SRCAP: variants seen among roughly 807,000 people sequenced by gnomAD.
The protein encoded by SRCAP is chromatin remodeling protein SRCAP.
A neutral mutation model predicts 263.1 loss-of-function variants in SRCAP; 46 were observed. The observed-to-expected ratio is 0.17, with a 90% CI of 0.14 to 0.22. SRCAP has a LOEUF of 0.22. Among genes scored for constraint, SRCAP ranks in the 10% least tolerant of loss-of-function variants. The pLI, the probability that SRCAP is intolerant of heterozygous loss-of-function variation, is 1.00. For synonymous variants in SRCAP, 1,813 were observed against 1,662.1 expected (o/e 1.09, Z -2.21); for missense variants, 3,695 against 4,181.9 (o/e 0.88, Z 3.21).
rs2053033238 is a variant in SRCAP at position 30,723,662 on chromosome 16, C to T, written c.4238C>T (p.Ser1413Phe). ...TCCTCCCTCCCTGGGCCAGCCTCTT[C>T]TCCAATGCCAATTCCCAACTCCTCT... ...VPSSLPGPAS[S>F]PMPIPNSSPL... is the part of the protein sequence containing the mutation. Residue 1413 changes from serine to phenylalanine, a missense_variant, in exon 25 of 34, where the codon TCT (serine) becomes TTT (phenylalanine). Ser to Phe is a radical substitution (Grantham distance 155, BLOSUM62 -2). Coordinates refer to ENST00000262518, the MANE Select transcript of SRCAP (RefSeq NM_006662.3). 3.7e-6 allele frequency: 6 copies of T among 1,613,874 alleles called. No individual in the cohort carries two copies. The highest frequency in any genetic ancestry group is 5.1e-6 in the Non-Finnish European group (6 of 1,179,820).
Position 30,716,301 on chromosome 16 carries a change from A to C in SRCAP, c.2639A>C (p.Glu880Ala), listed in dbSNP as rs752074866. The C allele has an allele frequency of 1.2e-6, 2 of 1,614,018 alleles. No individual in the cohort carries two copies. The highest frequency in any genetic ancestry group is 2.7e-5 in the African/African-American group (2 of 74,900). ...TTTTCCTCTTTCCCCAGAACTAAGGAGACACTAGCCACAGGCCATTTCATG... is the reference window on the plus strand; with the variant it reads ...TTTTCCTCTTTCCCCAGAACTAAGGCGACACTAGCCACAGGCCATTTCATG... The part of the protein sequence containing the change: ...DDFMAQTTTK[E>A]TLATGHFMSV... The change falls in exon 18 of 34, where the codon GAG becomes GCG. Residue 880 changes from glutamate to alanine, a missense_variant. Glu to Ala is a moderately radical substitution (Grantham distance 107). Coordinates refer to ENST00000262518, the MANE Select transcript of SRCAP (RefSeq NM_006662.3).
rs1398741863 is a variant in SRCAP, at chr16:30,736,359, C to A, written c.6889C>A (p.Arg2297=). ...RPGAEDEEMS[R]AEQEIAALVE... is the part of the protein sequence containing the mutation. ...TGGGGCTGAGGATGAGGAGATGTCC[C>A]GGGCTGAGCAGGAAATTGCTGCCCT... The change falls in exon 32 of 34, where the codon CGG becomes AGG. Residue 2297 remains arginine (R), a synonymous_variant. Transcript: ENST00000262518. The A allele has an allele frequency of 6.2e-7, 1 of 1,613,546 alleles. No individual in the cohort carries two copies. Among genetic ancestry groups the A allele is most frequent in the Non-Finnish European group, 8.5e-7 (1 of 1,179,696 alleles).
intron 22 of SRCAP, 82 bp from the exon 23 acceptor site, chr16:30,722,481 T>G: frequency 6.4e-7 from 1 of 1,553,264 alleles, no homozygotes; most frequent in Non-Finnish European, 8.8e-7. Flanking sequence ...CTCTCTGTTC[T>G]TTTCTTCTCT....
In SRCAP at chr16:30,724,775, C is replaced by T; in HGVS notation, c.5351C>T (p.Ser1784Leu). 1 of 1,613,726 alleles carries T rather than the reference C, an allele frequency of 6.2e-7. No individual in the cohort carries two copies. Among genetic ancestry groups the T allele is most frequent in the East Asian group, 2.2e-5 (1 of 44,870 alleles). ...SSSASLLAPA[S>L]VQTLTLSPAP... The stretch of plus-strand genomic sequence containing the variant: ...TCTGCTTCACTCCTGGCCCCAGCTT[C>T]AGTGCAGACACTGACCTTGAGCCCT... The change falls in exon 25 of 34, where the codon TCA (serine) becomes TTA (leucine). Residue 1784 changes from serine (S) to leucine (L), a missense_variant. Transcript: ENST00000262518.
chr16:30,715,754 A>G (rs1240103672), intron 16 of SRCAP, among the ~76,000 whole-genome samples: 1 of 151,976 alleles, frequency 6.6e-6, no homozygotes, highest in Non-Finnish European at 1.5e-5. Flanking sequence ...TATTCTCCTC[A>G]TCTTCTAGAT....
chr16:30,702,467 C>G (rs941208870), intron 3 of SRCAP, among the ~76,000 whole-genome samples: 12 of 151,148 alleles, frequency 7.9e-5, no homozygotes, highest in Admixed American at 7.2e-4. Flanking sequence ...CTCCTGACCT[C>G]TGGTAATCCA....
rs749331646 is a variant in SRCAP, at chr16:30,722,703, A to G, written c.3847A>G (p.Thr1283Ala). 3 of 1,610,886 alleles carry G rather than the reference A, an allele frequency of 1.9e-6. No individual in the cohort carries two copies. The Admixed American group carries it at 5.0e-5, about 27-fold the overall frequency. ...SVLPSSTPST[T>A]PAPTGLSLPL... ...GCTGCCTTCTTCGACCCCCAGCACC[A>G]CCCCTGCCCCTACTGGCCTCAGCCT... is the stretch of plus-strand genomic sequence containing the variant. The change falls in exon 23 of 34, where the codon ACC becomes GCC. Residue 1283 changes from threonine to alanine, a missense_variant. Coordinates refer to ENST00000262518, the MANE Select transcript of SRCAP (RefSeq NM_006662.3).
rs1323344117 is a variant in SRCAP, at chr16:30,716,160, A to G, written c.2588A>G (p.Lys863Arg). Reference sequence around the variant, plus strand: ...CATGTTATCCGCTGCAGGCTCTCCAAGCGTCAACGCTGTCTCTATGATGAC... The same window carrying G: ...CATGTTATCCGCTGCAGGCTCTCCAGGCGTCAACGCTGTCTCTATGATGAC... ...YEHVIRCRLS[K>R]RQRCLYDDFM... Residue 863 changes from lysine to arginine, a missense_variant, in exon 17 of 34, where the codon AAG becomes AGG. By Grantham distance (26) the Lys-to-Arg change is conservative. Around this residue, in one of 12 missense-constraint regions of SRCAP, gnomAD observed 147 missense variants for 212.7 expected, o/e 0.69. Coordinates refer to ENST00000262518, the MANE Select transcript of SRCAP (RefSeq NM_006662.3). 1 of 1,614,200 alleles carries G rather than the reference A, an allele frequency of 6.2e-7. No homozygotes were observed. Among genetic ancestry groups the G allele is most frequent in the East Asian group, 2.2e-5 (1 of 44,886 alleles).
Position 30,738,043 on chromosome 16 carries a change from T to C in SRCAP, c.8003T>C (p.Leu2668Pro). Residue 2668 changes from leucine to proline, a missense_variant, in exon 34 of 34, where the codon CTG becomes CCG. Physicochemically the swap from Leu to Pro is moderately conservative, Grantham distance 98. This residue lies in a region of SRCAP where 1,207 missense variants were observed against 1,142.9 expected (regional missense o/e 1.06). Transcript: ENST00000262518. ...AASDEPLQEP[L>P]EADRTSEELT... ...TCTGATGAGCCACTTCAGGAGCCAC[T>C]GGAGGCTGACAGGACCTCGGAAGAG... is the stretch of plus-strand genomic sequence containing the variant. 3 of 1,614,134 alleles carry C rather than the reference T, an allele frequency of 1.9e-6. No homozygotes were observed. The highest frequency in any genetic ancestry group is 1.7e-6 in the Non-Finnish European group (2 of 1,180,022).
chr16:30,726,111 T>G (rs2053062082), intron 25 of SRCAP: 2 of 152,350 alleles, frequency 1.3e-5, no homozygotes, highest in Admixed American at 1.3e-4. Flanking sequence ...GTTTTGCCTA[T>G]GGAGTCATAA....
intron 13 of SRCAP, 27 bp from the exon 14 acceptor site, chr16:30,712,652 A>G: frequency 6.2e-7 from 1 of 1,613,680 alleles, no homozygotes; most frequent in Non-Finnish European, 8.5e-7. Context: ...ACATTTCCTT[A>G]CCATCTCTGA....
At chr16:30,728,653 T>C (rs985331887) in intron 25 of SRCAP, among the ~76,000 whole-genome samples, 6 of 152,010 alleles carry the variant, frequency 3.9e-5, no homozygotes, top group Non-Finnish European at 8.8e-5. Context: ...CTTGTTGGAA[T>C]TGTAGATCTT....
intron 31 of SRCAP, 68 bp downstream of exon 31, chr16:30,734,683 C>A (rs2053142957): frequency 6.2e-7 from 1 of 1,603,656 alleles, no homozygotes; most frequent in Admixed American, 1.7e-5. Context: ...TTTTGTTAGT[C>A]TGTTGAGCTT....
In SRCAP at chr16:30,736,338, G is replaced by C; in HGVS notation, c.6868G>C (p.Ala2290Pro). ...GGGAGAGGAAGCTGGCCGGCCTGGG[G>C]CTGAGGATGAGGAGATGTCCCGGGC... Reference protein sequence around the residue: ...GEGEEAGRPGAEDEEMSRAEQ... With the variant: ...GEGEEAGRPGPEDEEMSRAEQ... Residue 2290 changes from alanine (A) to proline (P), a missense_variant, in exon 32 of 34, where the codon GCT (alanine) becomes CCT (proline). This residue lies in a region of SRCAP where 91 missense variants were observed against 150.6 expected (regional missense o/e 0.60). Coordinates refer to ENST00000262518, the MANE Select transcript of SRCAP (RefSeq NM_006662.3). The C allele has an allele frequency of 6.2e-7, 1 of 1,614,144 alleles. No individual in the cohort carries two copies. The highest frequency in any genetic ancestry group is 8.5e-7 in the Non-Finnish European group (1 of 1,180,026).
chr16:30,730,554 C>T (rs916363336), intron 27 of SRCAP, among the ~76,000 whole-genome samples: 1 of 152,108 alleles, frequency 6.6e-6, no homozygotes, highest in Non-Finnish European at 1.5e-5. Context: ...GCTTCAGCCT[C>T]CTGAGTAGCT....
At position 30,713,357 on chromosome 16, in the gene SRCAP, G is replaced by A; in HGVS notation, c.2280G>A (p.Gln760=). 5.6e-6 allele frequency: 9 copies of A among 1,614,170 alleles called. 2 individuals carry two copies. The South Asian group carries it at 8.8e-5, about 16-fold the overall frequency. Residue 760 remains glutamine, a synonymous_variant, in exon 15 of 34, where the codon CAG becomes CAA. Transcript: ENST00000262518. ...AGAACTTCAAGTCACAGCGCTGGCA[G>A]TCACTCCTCAACTTCAACAGGTGGA... is the stretch of plus-strand genomic sequence containing the variant. ...NIKNFKSQRW[Q]SLLNFNSQRR... is the part of the protein sequence containing the mutation.
chr16:30,724,459 C>G lies in SRCAP; in HGVS notation c.5035C>G (p.Gln1679Glu), dbSNP rs2053042833. 1 of 1,614,242 alleles carries G rather than the reference C, an allele frequency of 6.2e-7. No homozygotes were observed. The highest frequency in any genetic ancestry group is 2.2e-5 in the East Asian group (1 of 44,892). ...PSPLPSPAST[Q>E]TLALAPALAP... ...ACCTCTCCCGAGCCCGGCTTCTACGCAGACACTGGCCCTAGCCCCAGCTTT... is the reference window on the plus strand; with the variant it reads ...ACCTCTCCCGAGCCCGGCTTCTACGGAGACACTGGCCCTAGCCCCAGCTTT... The change falls in exon 25 of 34, where the codon CAG becomes GAG. Residue 1679 changes from glutamine (Q) to glutamate (E), a missense_variant. By Grantham distance (29) the Gln-to-Glu change is conservative. Transcript: ENST00000262518.
Position 30,722,685 on chromosome 16 carries a change from T to C in SRCAP, c.3829T>C (p.Ser1277Pro). ...PGPTPVSVLP[S>P]STPSTTPAPT... is the part of the protein sequence containing the mutation. ...CCCTACCCCTGTCTCTGTGCTGCCT[T>C]CTTCGACCCCCAGCACCACCCCTGC... Residue 1277 changes from serine to proline, a missense_variant, in exon 23 of 34, where the codon TCT becomes CCT. Physicochemically the swap from Ser to Pro is moderately conservative, Grantham distance 74. Coordinates refer to ENST00000262518, the MANE Select transcript of SRCAP (RefSeq NM_006662.3). 1 of 1,613,870 alleles carries C rather than the reference T, an allele frequency of 6.2e-7. No individual in the cohort carries two copies. The highest frequency in any genetic ancestry group is 8.5e-7 in the Non-Finnish European group (1 of 1,179,960).
intron 24 of SRCAP, 131 bp from the exon 25 acceptor site, chr16:30,723,453 G>GTT: frequency 1.3e-6 from 2 of 1,491,416 alleles, no homozygotes; most frequent in South Asian, 2.7e-5. Context: ...TTACTTGGAT[G>GTT]TTTGACTTCA....
Sources: allele counts gnomAD v4.1 joint callset (sites outside exome capture counted in the v4.1 genomes callset), GRCh38; gene constraint gnomAD v4.1.1; regional missense constraint gnomAD v4.1.1; transcripts MANE v1.5; gene names NCBI Gene and HGNC (gene_info 2026-07-23, HGNC 2026-07-21).